The following TC2N variants were observed in gnomAD, a reference collection of about 807,000 sequenced individuals.
The protein encoded by TC2N is tandem C2 domains nuclear protein.
A neutral mutation model predicts 61.9 loss-of-function variants in TC2N; 51 were observed. That is an observed-to-expected ratio of 0.82 (90% CI 0.66 to 1.04). The LOEUF (loss-of-function observed/expected upper bound fraction) is 1.04, where lower values mean the gene tolerates loss of function less well. TC2N is among the 50% of genes least tolerant of loss of function. The pLI is 0.00. For missense variants in TC2N, 556 were observed against 566.7 expected (o/e 0.98, Z 0.19); for synonymous variants, 204 against 192.6 (o/e 1.06, Z -0.49).
At chr14:91,787,843 T>C (rs1294974993) in intron 9 of TC2N, among the ~76,000 whole-genome samples, 1 of 152,136 alleles carries the variant, frequency 6.6e-6, no homozygotes, top group Non-Finnish European at 1.5e-5. Flanking sequence ...GTTATATCTA[T>C]GTACTGAAAC....
intron 9 of TC2N, among the ~76,000 whole-genome samples, chr14:91,789,809 A>G (rs2139826448): frequency 6.6e-6 from 1 of 152,330 alleles, no homozygotes; most frequent in Admixed American, 6.5e-5. Flanking sequence ...GCAGTTATGT[A>G]TTGCCTGCAT....
intron 1 of TC2N, 22 bp from the exon 2 acceptor site, chr14:91,813,847 A>AGCAG: frequency 2.1e-6 from 2 of 973,284 alleles, no homozygotes; most frequent in Non-Finnish European, 1.6e-6. Context: ...ATAGAAAACA[A>AGCAG]GTTAACCTGC....
chr14:91,826,275 G>A (rs903051511), intron 1 of TC2N, among the ~76,000 whole-genome samples: 2 of 143,308 alleles, frequency 1.4e-5, no homozygotes, highest in East Asian at 2.1e-4. Flanking sequence ...AGCCGTGATC[G>A]CATCACTGCA....
chr14:91,863,829 C>CAAAAAAAA (rs35582740), intron 1 of TC2N, among the ~76,000 whole-genome samples: 1 of 61,032 alleles, frequency 1.6e-5, no homozygotes, highest in Non-Finnish European at 3.1e-5. Flanking sequence ...TCCATCTCTA[C>CAAAAAAAA]AAAAAAAAAA....
chr14:91,841,109 G>C (rs755373383), intron 1 of TC2N, among the ~76,000 whole-genome samples: 1 of 152,190 alleles, frequency 6.6e-6, no homozygotes, highest in Non-Finnish European at 1.5e-5. Context: ...GAAACAAAGA[G>C]AGAATCCAAA....
intron 1 of TC2N, among the ~76,000 whole-genome samples, chr14:91,843,019 C>T (rs1263838319): frequency 6.6e-6 from 1 of 152,074 alleles, no homozygotes; most frequent in East Asian, 1.9e-4. Context: ...TGGAAGTAAT[C>T]GTGTTCAGTT....
rs1885086469 is a variant in TC2N at position 91,780,926 on chromosome 14, TGTA to T, written c.*2171_*2173del. 1 of 148,800 alleles carries T rather than the reference TGTA, an allele frequency of 6.7e-6. No homozygotes were observed. The highest frequency in any genetic ancestry group is 2.1e-4 in the South Asian group (1 of 4,816). 9.2% of individuals were successfully genotyped at this position (148,800 alleles called of 1,614,324 possible). ...TAATTAAAACATTTAGGATCTTAGT[TGTA>T]TCAATACTTCTGTACCTGAAAGCTC... On this transcript the variant is annotated 3_prime_UTR_variant, in exon 12 of 12. Coordinates refer to ENST00000435962, the MANE Select transcript of TC2N (RefSeq NM_001128596.3).
Position 91,812,444 on chromosome 14 carries a change from A to T in TC2N, c.169T>A (p.Cys57Ser). Residue 57 changes from cysteine (C) to serine (S), a missense_variant, in exon 3 of 12, where the codon TGT becomes AGT. Cys to Ser is a moderately radical substitution (Grantham distance 112). Coordinates refer to ENST00000435962, the MANE Select transcript of TC2N (RefSeq NM_001128596.3). ...TSVSVKPQLG[C>S]TEDYLLSKLP... ...TTGGAAAGCAAATAATCCTCAGTAC[A>T]GCCAAGCTGAGGCTTTACAGAAACA... The T allele has an allele frequency of 6.2e-7, 1 of 1,611,702 alleles. No homozygotes were observed. The highest frequency in any genetic ancestry group is 8.5e-7 in the Non-Finnish European group (1 of 1,178,142).
intron 2 of TC2N, among the ~76,000 whole-genome samples, chr14:91,813,114 A>G (rs1886854485): frequency 6.6e-6 from 1 of 151,782 alleles, no homozygotes; most frequent in Non-Finnish European, 1.5e-5. Flanking sequence ...TTCATACTCA[A>G]ATATACTATG....
In TC2N at chr14:91,792,394, C is replaced by A; in HGVS notation, c.1020G>T (p.Leu340Phe). ...TLSTQEMDYSLDITPPSKISV... is the reference protein window; with the variant it reads ...TLSTQEMDYSFDITPPSKISV... ...AAATTTTTGAAGGTGGTGTTATATC[C>A]AAAGAGTAATCCATTTCCTGTGTGC... The change falls in exon 9 of 12, where the codon TTG becomes TTT. Residue 340 changes from leucine to phenylalanine, a missense_variant. Physicochemically the swap from Leu to Phe is conservative, Grantham distance 22. Coordinates refer to ENST00000435962, the MANE Select transcript of TC2N (RefSeq NM_001128596.3). 6.2e-7 allele frequency: 1 copy of A among 1,600,902 alleles called. No individual in the cohort carries two copies. Among genetic ancestry groups the A allele is most frequent in the Non-Finnish European group, 8.5e-7 (1 of 1,173,042 alleles).
intron 1 of TC2N, among the ~76,000 whole-genome samples, chr14:91,864,777 C>CTTT (rs5810557): frequency 9.9e-5 from 7 of 70,792 alleles, no homozygotes; most frequent in African/African-American, 2.2e-4. Flanking sequence ...CTGCCTTCAT[C>CTTT]TTTTTTTTTT....
Position 91,797,777 on chromosome 14 carries a change from C to A in TC2N, c.855+8G>T. On this transcript the variant is annotated splice_region_variant and intron_variant, in intron 8 of 11. Coordinates refer to ENST00000435962, the MANE Select transcript of TC2N (RefSeq NM_001128596.3). The stretch of plus-strand genomic sequence containing the variant: ...AGAAAAGAAATTCAAATACAAACAG[C>A]CACTTACGTTGGAACCTTCCTTGGC... 2 of 1,495,942 alleles carry A rather than the reference C, an allele frequency of 1.3e-6. No individual in the cohort carries two copies. Among genetic ancestry groups the A allele is most frequent in the Admixed American group, 3.9e-5 (2 of 51,692 alleles). 92.7% of individuals were successfully genotyped at this position (1,495,942 alleles called of 1,614,324 possible). A position where few individuals can be genotyped will look rare whatever the true frequency, so the allele number is the denominator to read the frequency against.
chr14:91,798,890 C>T (rs977557718), intron 6 of TC2N, 99 bp downstream of exon 6: 1 of 724,186 alleles, frequency 1.4e-6, no homozygotes, highest in Non-Finnish European at 2.3e-6. Context: ...ATAGTAGATA[C>T]AATCATCTAG....
chr14:91,858,800 A>G (rs1888534631), intron 1 of TC2N, among the ~76,000 whole-genome samples: 1 of 152,176 alleles, frequency 6.6e-6, no homozygotes, highest in Non-Finnish European at 1.5e-5. Context: ...TGGATGAAGA[A>G]ACTGCTCTCA....
chr14:91,788,059 G>C (rs1204385808), intron 9 of TC2N, among the ~76,000 whole-genome samples: 3 of 151,918 alleles, frequency 2.0e-5, no homozygotes, highest in Admixed American at 6.6e-5. Flanking sequence ...TAATTATGGA[G>C]ATCAGAGTAG....
intron 4 of TC2N, among the ~76,000 whole-genome samples, chr14:91,801,898 CAA>C (rs1223978227): frequency 1.3e-5 from 2 of 152,012 alleles, no homozygotes; most frequent in South Asian, 2.1e-4. Context: ...TGAATGATAA[CAA>C]AAAGTGTTTT....
rs1885133219 is a variant in TC2N, at chr14:91,781,551, A to T, written c.*1549T>A. 1 of 148,374 alleles carries T rather than the reference A, an allele frequency of 6.7e-6. No individual in the cohort carries two copies. The highest frequency in any genetic ancestry group is 6.7e-5 in the Admixed American group (1 of 14,834). The allele number at this position is 148,374 out of a possible 1,614,324, so 9.2% of individuals were successfully genotyped here. A position where few individuals can be genotyped will look rare whatever the true frequency, so the allele number is the denominator to read the frequency against. On this transcript the variant is annotated 3_prime_UTR_variant, in exon 12 of 12. Coordinates refer to ENST00000435962, the MANE Select transcript of TC2N (RefSeq NM_001128596.3). ...TTTTCTGTTAACCTACAACTGCTCT[A>T]AAAAAAAAAGTCTATTTTTAAAAAC...
intron 1 of TC2N, among the ~76,000 whole-genome samples, chr14:91,823,921 C>G (rs530872764): frequency 9.8e-5 from 15 of 152,310 alleles, no homozygotes; most frequent in Non-Finnish European, 1.8e-4. Flanking sequence ...CAAAACACTT[C>G]TTAGGGCTAT....
At chr14:91,829,116 G>C (rs191875356) in intron 1 of TC2N, among the ~76,000 whole-genome samples, 164 of 150,920 alleles carry the variant, frequency 1.1e-3, no homozygotes, top group Non-Finnish European at 1.8e-3. Flanking sequence ...CTTTGCCTTT[G>C]GTTTTCTTCA....
Sources: gnomAD v4.1 joint callset for allele counts (sites outside exome capture counted in the v4.1 genomes callset) on GRCh38, gnomAD v4.1.1 for gene constraint, MANE v1.5 for transcripts, NCBI Gene and HGNC (gene_info 2026-07-23, HGNC 2026-07-21) for gene names.